Variants in SYNE2 observed in about 807,000 individuals in gnomAD.
SYNE2 encodes the protein spectrin repeat containing nuclear envelope protein 2, also known as nesprin-2.
SYNE2 carries 431 observed loss-of-function variants against 856.3 expected under a neutral mutation model. The observed-to-expected ratio is 0.50, with a 90% confidence interval of 0.47 to 0.55. SYNE2 has a LOEUF of 0.55. Among genes scored for constraint, SYNE2 ranks in the 20% least tolerant of loss-of-function variants. The pLI is 0.00. For synonymous variants in SYNE2, 2,923 were observed against 2,872.3 expected (o/e 1.02, Z -0.56); for missense variants, 8,129 against 8,023.2 (o/e 1.01, Z -0.50).
Position 64,211,905 on chromosome 14 carries a change from G to C in SYNE2, c.18724-56G>C. The C allele has an allele frequency of 1.6e-5, 26 of 1,613,024 alleles. 2 individuals carry two copies. The South Asian group carries it at 2.2e-4, about 14-fold the overall frequency. On this transcript the variant is annotated intron_variant, in intron 103 of 115. Coordinates refer to ENST00000555002, the MANE Select transcript of SYNE2 (RefSeq NM_182914.3). ...GTGGCCGAAGGTGGCCTTGCTGTCTGTCTGAACTCTTGTTCCGTGGTCAGT... is the reference window on the plus strand; with the variant it reads ...GTGGCCGAAGGTGGCCTTGCTGTCTCTCTGAACTCTTGTTCCGTGGTCAGT...
Position 63,961,531 on chromosome 14 carries a change from A to C in SYNE2, c.794A>C (p.Asp265Ala), listed in dbSNP as rs376847545. The C allele has an allele frequency of 4.0e-5, 64 of 1,612,956 alleles. No individual in the cohort carries two copies. The highest frequency in any genetic ancestry group is 5.2e-5 in the Non-Finnish European group (61 of 1,179,218). ...IPRLLEPEDVDVVDPDEKSIM... is the reference protein window; with the variant it reads ...IPRLLEPEDVAVVDPDEKSIM... ...AGTGTGGTGTATCTTGCAGATGTGG[A>C]TGTTGTTGATCCTGATGAAAAGTCC... The change falls in exon 9 of 116, where the codon GAT becomes GCT. Residue 265 changes from aspartate to alanine, a missense_variant. This residue lies in a region of SYNE2 where 2,422 missense variants were observed against 2,357.4 expected (regional missense o/e 1.03). Transcript: ENST00000555002.
chr14:63,984,055 A>G (rs2096606336), intron 18 of SYNE2, among the ~76,000 whole-genome samples, 169 bp downstream of exon 18: 1 of 152,172 alleles, frequency 6.6e-6, no homozygotes, highest in Admixed American at 6.5e-5. Context: ...CAGCCTGGGT[A>G]ACGTGGCAAA....
intron 2 of SYNE2, among the ~76,000 whole-genome samples, chr14:63,921,815 A>C (rs1171129561): frequency 1.3e-5 from 2 of 152,102 alleles, no homozygotes; most frequent in East Asian, 3.9e-4. Context: ...CTCTTTCAAG[A>C]AGTTTGGATT....
rs574341824 is a variant in SYNE2 at position 63,956,219 on chromosome 14, A to G, written c.787+1304A>G. ...CCAATGTGCAGTCACTGAACACAGA[A>G]TTAGAAAAAGATGTGCAGTACCCAC... On this transcript the variant is annotated intron_variant, in intron 8 of 115. Coordinates refer to ENST00000555002, the MANE Select transcript of SYNE2 (RefSeq NM_182914.3). Among the ~76,000 whole-genome samples, 42 of 152,348 alleles carry G rather than the reference A, an allele frequency of 2.8e-4. No homozygotes were observed. In the South Asian group the frequency reaches 4.6e-3, roughly 17 times the overall value.
intron 49 of SYNE2, among the ~76,000 whole-genome samples, chr14:64,062,028 G>A (rs1465751555): frequency 6.6e-6 from 1 of 152,018 alleles, no homozygotes; most frequent in Non-Finnish European, 1.5e-5. Flanking sequence ...AGAGTTTTTA[G>A]TTACATTCAA....
rs569342086 is a variant in SYNE2 at position 64,221,485 on chromosome 14, G to A, written c.20062-91G>A. 5 of 1,612,848 alleles carry A rather than the reference G, an allele frequency of 3.1e-6. No individual in the cohort carries two copies. In the African/African-American group the frequency reaches 6.7e-5, roughly 22 times the overall value. ...GGTAAGGCCAGAAAAGCAAATGACT[G>A]TGATGGATTGGAAGCAGTAAGCCAT... is the stretch of plus-strand genomic sequence containing the variant. On this transcript the variant is annotated intron_variant, in intron 111 of 115. Coordinates refer to ENST00000555002, the MANE Select transcript of SYNE2 (RefSeq NM_182914.3).
At chr14:64,093,630 T>C in intron 61 of SYNE2, 150 bp downstream of exon 61, 1 of 858,510 alleles carries the variant, frequency 1.2e-6, no homozygotes, top group Admixed American at 2.1e-5. Context: ...TCTGTGTGTG[T>C]TTACTTTCCA....
Position 63,926,807 on chromosome 14 carries a change from C to T in SYNE2, c.80-13807C>T, listed in dbSNP as rs557604450. ...GTGTTCTTAACCTTGTCATTGATTA[C>T]AGATTGAGCTAAGTGCTAAATAGTG... On this transcript the variant is annotated intron_variant, in intron 2 of 115. Coordinates refer to ENST00000555002, the MANE Select transcript of SYNE2 (RefSeq NM_182914.3). 7.6e-4 allele frequency among the ~76,000 whole-genome samples: 116 copies of T among 152,236 alleles called. 1 individual carries two copies. Among genetic ancestry groups the T allele is most frequent in the Non-Finnish European group, 1.6e-3 (110 of 68,048 alleles).
rs755424409 is a variant in SYNE2 at position 64,129,197 on chromosome 14, C to A, written c.14020-585C>A. On this transcript the variant is annotated intron_variant, in intron 74 of 115. Coordinates refer to ENST00000555002, the MANE Select transcript of SYNE2 (RefSeq NM_182914.3). Reference sequence around the variant, plus strand: ...TGGCACACGGCTGTAGTCCCACCTACTCCGGAGGCTGAGGTGTGATAATTG... The same window carrying A: ...TGGCACACGGCTGTAGTCCCACCTAATCCGGAGGCTGAGGTGTGATAATTG... Among the ~76,000 whole-genome samples, 3 of 152,190 alleles carry A rather than the reference C, an allele frequency of 2.0e-5. No individual in the cohort carries two copies. In the East Asian group the frequency reaches 5.8e-4, roughly 29 times the overall value.
In SYNE2 at chr14:63,992,575, C is replaced by T. The variant is rs1302896456; in HGVS notation, c.2647-1260C>T. Among the ~76,000 whole-genome samples the T allele has an allele frequency of 3.3e-5, 5 of 152,158 alleles. No homozygotes were observed. In the East Asian group the frequency reaches 9.6e-4, roughly 29 times the overall value. ...GGATTATGGACGTGAGCCACTGTGC[C>T]CAGCTTCTTGGCTCCTTTACCAGAG... is the stretch of plus-strand genomic sequence containing the variant. On this transcript the variant is annotated intron_variant, in intron 21 of 115. Transcript: ENST00000555002.
chr14:63,861,599 T>C (rs2140178277), intron 1 of SYNE2, among the ~76,000 whole-genome samples: 1 of 143,074 alleles, frequency 7.0e-6, no homozygotes, highest in East Asian at 2.1e-4. Flanking sequence ...GAGACCAGCC[T>C]GGGCAACATA....
chr14:64,087,927 A>C (rs2097576387), intron 58 of SYNE2, 71 bp downstream of exon 58: 1 of 1,548,174 alleles, frequency 6.5e-7, no homozygotes, highest in Admixed American at 1.7e-5. Flanking sequence ...TCATCCCTAT[A>C]ATTCCAGCAC....
At position 63,962,467 on chromosome 14, in the gene SYNE2, A is replaced by G. The variant is rs575843300; in HGVS notation, c.888+842A>G. ...TTTCAATGGTTGTTAGTGTATTTAC[A>G]TGATCAGGCAACCCTCACCATCATC... On this transcript the variant is annotated intron_variant, in intron 9 of 115. Transcript: ENST00000555002. 9.3e-4 allele frequency among the ~76,000 whole-genome samples: 142 copies of G among 152,340 alleles called. 1 individual carries two copies. The highest frequency in any genetic ancestry group is 3.2e-3 in the African/African-American group (135 of 41,580).
At chr14:63,772,626 C>T (rs1320315879) in intron 1 of SYNE2, among the ~76,000 whole-genome samples, 6 of 150,978 alleles carry the variant, frequency 4.0e-5, no homozygotes, top group African/African-American at 1.5e-4. Flanking sequence ...ACCTATAATC[C>T]CAGCTATTCG....
At position 64,220,419 on chromosome 14, in the gene SYNE2, C is replaced by A. The variant is rs371218203; in HGVS notation, c.19861-18C>A. The stretch of plus-strand genomic sequence containing the variant: ...CTACTTTCAGAGCTCCTAACCTCAT[C>A]TTTTCTCTCTCTGGTAGGAGATACT... On this transcript the variant is annotated intron_variant, in intron 110 of 115. Coordinates refer to ENST00000555002, the MANE Select transcript of SYNE2 (RefSeq NM_182914.3). 3.0e-5 allele frequency: 48 copies of A among 1,613,894 alleles called. No homozygotes were observed. Among genetic ancestry groups the A allele is most frequent in the Non-Finnish European group, 3.9e-5 (46 of 1,179,860 alleles).
Position 64,048,092 on chromosome 14 carries a change from G to T in SYNE2, c.7314G>T (p.Glu2438Asp). 1 of 1,613,696 alleles carries T rather than the reference G, an allele frequency of 6.2e-7. No homozygotes were observed. Among genetic ancestry groups the T allele is most frequent in the Non-Finnish European group, 8.5e-7 (1 of 1,179,756 alleles). Residue 2438 changes from glutamate (E) to aspartate (D), a missense_variant, in exon 46 of 116, where the codon GAG becomes GAT. Coordinates refer to ENST00000555002, the MANE Select transcript of SYNE2 (RefSeq NM_182914.3). ...CTGAAGATGAGCGGAAAGTCAATGA[G>T]CTGCAAAATCAACCTTTAGAATTAG... ...KNTEDERKVN[E>D]LQNQPLELDT... is the part of the protein sequence containing the mutation.
intron 54 of SYNE2, 89 bp downstream of exon 54, chr14:64,076,189 C>G: frequency 2.1e-6 from 3 of 1,449,168 alleles, no homozygotes; most frequent in Non-Finnish European, 2.9e-6. Flanking sequence ...ATTCCATTTG[C>G]CAGGATTTCA....
Position 64,025,171 on chromosome 14 carries a change from A to G in SYNE2, c.6002A>G (p.Lys2001Arg), listed in dbSNP as rs1207632024. The change falls in exon 41 of 116, where the codon AAG becomes AGG. Residue 2001 changes from lysine (K) to arginine (R), a missense_variant. Physicochemically the swap from Lys to Arg is conservative, Grantham distance 26 (BLOSUM62 2). Around this residue, in one of 3 missense-constraint regions of SYNE2, gnomAD observed 2,422 missense variants for 2,357.4 expected, o/e 1.03. Transcript: ENST00000555002. ...GTGGCCCAATTGAACAACTCTTTGA[A>G]GGAATATGGGTTTACTGAAGAAGAA... ...ESVAQLNNSLKEYGFTEEEEI... is the reference protein window; with the variant it reads ...ESVAQLNNSLREYGFTEEEEI... 6.2e-7 allele frequency: 1 copy of G among 1,614,130 alleles called. No homozygotes were observed. Among genetic ancestry groups the G allele is most frequent in the East Asian group, 2.2e-5 (1 of 44,854 alleles).
chr14:63,826,233 A>G (rs1889425063), intron 1 of SYNE2, among the ~76,000 whole-genome samples: 1 of 152,194 alleles, frequency 6.6e-6, no homozygotes, highest in Non-Finnish European at 1.5e-5. Context: ...AGAATCTACA[A>G]GTAAATTCTT....
Sources: allele counts gnomAD v4.1 joint callset (sites outside exome capture counted in the v4.1 genomes callset), GRCh38; gene constraint gnomAD v4.1.1; regional missense constraint gnomAD v4.1.1; transcripts MANE v1.5; gene names NCBI Gene and HGNC (gene_info 2026-07-23, HGNC 2026-07-21).